Variants in EBF2 observed in about 807,000 individuals in gnomAD.
EBF2 encodes transcription factor COE2.
In EBF2, 21 loss-of-function variants were observed where a neutral mutation model predicts 72.8. The observed-to-expected ratio is 0.29, with a 90% CI of 0.20 to 0.42. EBF2 has a LOEUF of 0.42. EBF2 is among the 10% of genes least tolerant of loss of function. The pLI, the probability that EBF2 is intolerant of heterozygous loss-of-function variation, is 1.00. For synonymous variants in EBF2, 299 were observed against 274.2 expected (o/e 1.09, Z -0.89); for missense variants, 637 against 731.2 (o/e 0.87, Z 1.49).
In EBF2 at chr8:25,851,483, A is replaced by C. The variant is rs188135297; in HGVS notation, c.1529-722T>G. On this transcript the variant is annotated intron_variant, in intron 14 of 15. Transcript: ENST00000520164. The stretch of plus-strand genomic sequence containing the variant: ...AGCATTATAATTTCCAAGAAAAAAT[A>C]AAAGCAATTTACATAATGAAGTACC... Among the ~76,000 whole-genome samples, 148 of 152,314 alleles carry C rather than the reference A, an allele frequency of 9.7e-4. 1 individual carries two copies. Among genetic ancestry groups the C allele is most frequent in the African/African-American group, 1.4e-3 (60 of 41,558 alleles).
chr8:25,866,649 T>TG (rs1802334065), intron 10 of EBF2, among the ~76,000 whole-genome samples: 2 of 135,566 alleles, frequency 1.5e-5, no homozygotes, highest in Non-Finnish European at 3.1e-5. Context: ...TTTTTTTTTT[T>TG]GAGACAAAGT....
intron 6 of EBF2, among the ~76,000 whole-genome samples, chr8:26,007,813 TAC>T (rs762824229): frequency 3.1e-4 from 46 of 149,482 alleles, no homozygotes; most frequent in Middle Eastern, 3.4e-3. Context: ...CACACACACA[TAC>T]ACACACACAC....
chr8:25,856,171 C>T (rs1042006580), intron 14 of EBF2, among the ~76,000 whole-genome samples: 1 of 152,092 alleles, frequency 6.6e-6, no homozygotes, highest in African/African-American at 2.4e-5. Flanking sequence ...CTTTCTTCTC[C>T]ATCCTCTTCA....
rs116944963 is a variant in EBF2, at chr8:25,982,520, G to T, written c.551+50565C>A. Among the ~76,000 whole-genome samples the T allele has an allele frequency of 1.4e-3, 218 of 152,316 alleles. 2 individuals carry two copies. The highest frequency in any genetic ancestry group is 4.9e-3 in the African/African-American group (205 of 41,568). On this transcript the variant is annotated intron_variant, in intron 6 of 15. Transcript: ENST00000520164. ...GGTGAAACTCAGATCATTCCCAGGG[G>T]AAGAGTTTTAATGTAAGACTCCATG... is the stretch of plus-strand genomic sequence containing the variant.
At chr8:25,910,285 T>A (rs11783373) in intron 6 of EBF2, among the ~76,000 whole-genome samples, 74,929 of 151,632 alleles carry the variant, frequency 0.49, 20,232 homozygotes, top group East Asian at 0.84. Context: ...CTCACAATGC[T>A]TGCAAATATT....
At chr8:25,998,092 T>G (rs1197895704) in intron 6 of EBF2, among the ~76,000 whole-genome samples, 1 of 152,206 alleles carries the variant, frequency 6.6e-6, no homozygotes, top group African/African-American at 2.4e-5. Context: ...GTGAATAACA[T>G]TAATGAAATT....
chr8:25,940,634 A>T (rs1006399501), intron 6 of EBF2, among the ~76,000 whole-genome samples: 65 of 135,508 alleles, frequency 4.8e-4, no homozygotes, highest in Middle Eastern at 3.5e-3. Flanking sequence ...AAAAAAAAAT[A>T]AAAAAAAAAC....
rs537212736 is a variant in EBF2, at chr8:25,968,330, T to C, written c.552-59775A>G. On this transcript the variant is annotated intron_variant, in intron 6 of 15. Transcript: ENST00000520164. ...AGGATAGAAAAATATGGTATAACCA[T>C]ATACTGGAATAGTATTCAGCCTTAA... Among the ~76,000 whole-genome samples, 33 of 152,324 alleles carry C rather than the reference T, an allele frequency of 2.2e-4. No homozygotes were observed. The East Asian group carries it at 5.8e-3, about 27-fold the overall frequency.
intron 6 of EBF2, among the ~76,000 whole-genome samples, chr8:25,949,099 T>C (rs1446697490): frequency 6.6e-6 from 1 of 152,114 alleles, no homozygotes; most frequent in Non-Finnish European, 1.5e-5. Flanking sequence ...ACTTCTCAAA[T>C]ACTATCTACA....
intron 6 of EBF2, among the ~76,000 whole-genome samples, chr8:26,020,355 A>G (rs1214350941): frequency 1.3e-5 from 2 of 152,194 alleles, no homozygotes; most frequent in Non-Finnish European, 2.9e-5. Context: ...ACAATTTACA[A>G]GCTCAATGGA....
intron 15 of EBF2, among the ~76,000 whole-genome samples, chr8:25,845,924 C>G (rs907851916): frequency 9.2e-5 from 14 of 152,160 alleles, no homozygotes; most frequent in African/African-American, 3.4e-4. Flanking sequence ...GAAATTCTCT[C>G]TGCTTTTCTC....
At chr8:25,934,232 C>T (rs201035204) in intron 6 of EBF2, among the ~76,000 whole-genome samples, 2 of 77,988 alleles carry the variant, frequency 2.6e-5, no homozygotes, top group African/African-American at 7.1e-5. Context: ...CATACACACA[C>T]ACACACACAC....
At chr8:25,869,816 A>G (rs979149693) in intron 10 of EBF2, among the ~76,000 whole-genome samples, 2 of 152,168 alleles carry the variant, frequency 1.3e-5, no homozygotes, top group Non-Finnish European at 2.9e-5. Context: ...TGTTAAGGGC[A>G]CTCTGCTAAG....
chr8:25,981,925 A>G (rs944243777), intron 6 of EBF2, among the ~76,000 whole-genome samples: 4 of 152,324 alleles, frequency 2.6e-5, no homozygotes, highest in Admixed American at 6.5e-5. Context: ...GTTAAATGCA[A>G]ATTAAGGGTT....
In EBF2 at chr8:26,042,242, G is replaced by A; in HGVS notation, c.141C>T (p.Ala47=). 6.2e-7 allele frequency: 1 copy of A among 1,613,498 alleles called. No individual in the cohort carries two copies. The highest frequency in any genetic ancestry group is 1.1e-5 in the South Asian group (1 of 91,012). Residue 47 remains alanine, a synonymous_variant, in exon 2 of 16, where the codon GCC becomes GCT. Coordinates refer to ENST00000520164, the MANE Select transcript of EBF2 (RefSeq NM_022659.4). The part of the protein sequence containing the change: ...DANVAAQSGV[A]LSRAHFEKQP... ...GTTTCTCAAAGTGGGCCCGGGACAG[G>A]GCGACCCCGCTGCACAGGGAGAAAA...
chr8:25,950,652 G>A (rs1467511902), intron 6 of EBF2, among the ~76,000 whole-genome samples: 8 of 152,204 alleles, frequency 5.3e-5, no homozygotes, highest in Admixed American at 4.6e-4. Context: ...CTTCAAGGAG[G>A]AATGGGTTAA....
intron 6 of EBF2, among the ~76,000 whole-genome samples, chr8:25,999,618 C>T (rs1277784758): frequency 6.6e-6 from 1 of 150,728 alleles, no homozygotes; most frequent in Non-Finnish European, 1.5e-5. Flanking sequence ...CATGTTTTTA[C>T]TCTGGATCTT....
At chr8:25,916,446 C>G (rs949195024) in intron 6 of EBF2, among the ~76,000 whole-genome samples, 1 of 152,114 alleles carries the variant, frequency 6.6e-6, no homozygotes, top group African/African-American at 2.4e-5. Context: ...GCTACACATA[C>G]GTATGATCCC....
chr8:25,848,384 G>T (rs1463062159), intron 15 of EBF2, among the ~76,000 whole-genome samples: 1 of 152,216 alleles, frequency 6.6e-6, no homozygotes, highest in African/African-American at 2.4e-5. Flanking sequence ...TGTGGCTGGG[G>T]ACCCTGGAGA....
Sources: gnomAD v4.1 joint callset for allele counts (sites outside exome capture counted in the v4.1 genomes callset) on GRCh38, gnomAD v4.1.1 for gene constraint, MANE v1.5 for transcripts, NCBI Gene and HGNC (gene_info 2026-07-23, HGNC 2026-07-21) for gene names.